The following FOXN3 variants were observed in gnomAD, a reference collection of about 807,000 sequenced individuals.
The protein encoded by FOXN3 is forkhead box protein N3.
FOXN3 carries 7 observed loss-of-function variants against 38.4 expected under a neutral mutation model. The ratio of observed to expected loss-of-function variants is 0.18; its 90% CI spans 0.10 to 0.34. The LOEUF is 0.34. Ranked by LOEUF, FOXN3 falls within the 10% of genes least tolerant of loss-of-function variation. The probability of loss-of-function intolerance (pLI) is 1.00; values close to 1 mark genes in which losing one functional copy is unlikely to be tolerated. For missense variants in FOXN3, 456 were observed against 613.4 expected (o/e 0.74, Z 2.71); for synonymous variants, 230 against 242.2 (o/e 0.95, Z 0.47).
chr14:89,506,613 G>T (rs1316208319), intron 1 of FOXN3, among the ~76,000 whole-genome samples: 2 of 152,084 alleles, frequency 1.3e-5, no homozygotes, highest in Non-Finnish European at 2.9e-5. Context: ...CCACCACCCT[G>T]TCTGGGAGGT....
chr14:89,608,511 G>A (rs569831718), intron 1 of FOXN3, among the ~76,000 whole-genome samples: 174 of 152,328 alleles, frequency 1.1e-3, no homozygotes, highest in Non-Finnish European at 1.9e-3. Context: ...GGTGTACAAT[G>A]TATCTATATC....
In FOXN3 at chr14:89,226,580, T is replaced by C. The variant is rs143120230; in HGVS notation, c.746-45774A>G. 5.2e-3 allele frequency among the ~76,000 whole-genome samples: 798 copies of C among 152,230 alleles called. 6 individuals carry two copies. The highest frequency in any genetic ancestry group is 0.018 in the African/African-American group (753 of 41,538). On this transcript the variant is annotated intron_variant, in intron 4 of 5. Coordinates refer to ENST00000557258, the MANE Select transcript of FOXN3 (RefSeq NM_005197.4). ...TATTTACTCGCTAGAGTAGTATGAC[T>C]AGTGGGAAAATTTCAGATTATTCTT...
intron 1 of FOXN3, among the ~76,000 whole-genome samples, chr14:89,565,454 CAG>C (rs1485245699): frequency 6.6e-6 from 1 of 152,192 alleles, no homozygotes; most frequent in Admixed American, 6.5e-5. Context: ...AGAAAAAACA[CAG>C]ACTCACCCAG....
intron 1 of FOXN3, among the ~76,000 whole-genome samples, chr14:89,492,294 T>C (rs1893593426): frequency 2.6e-5 from 4 of 152,186 alleles, no homozygotes; most frequent in Admixed American, 6.5e-5. Context: ...CCAGGATACA[T>C]GGGGCACACA....
intron 1 of FOXN3, among the ~76,000 whole-genome samples, chr14:89,614,810 G>GAA (rs765112452): frequency 6.6e-6 from 1 of 152,210 alleles, no homozygotes; most frequent in Non-Finnish European, 1.5e-5. Flanking sequence ...AAACAAAAAT[G>GAA]ATGTCTATGA....
chr14:89,195,328 G>T (rs1188537233), intron 4 of FOXN3, among the ~76,000 whole-genome samples: 1 of 152,064 alleles, frequency 6.6e-6, no homozygotes, highest in Non-Finnish European at 1.5e-5. Context: ...TCTACCTTAG[G>T]TGATGTGCTA....
intron 5 of FOXN3, among the ~76,000 whole-genome samples, chr14:89,171,846 T>C (rs1887396963): frequency 6.6e-6 from 1 of 152,138 alleles, no homozygotes; most frequent in Non-Finnish European, 1.5e-5. Flanking sequence ...ATGCCTGTTA[T>C]CATAACTTCT....
chr14:89,200,688 C>T (rs1011835819), intron 4 of FOXN3, among the ~76,000 whole-genome samples: 6 of 152,242 alleles, frequency 3.9e-5, no homozygotes, highest in African/African-American at 9.6e-5. Context: ...GCCTCAGCAG[C>T]GAGGTCTGCG....
chr14:89,483,803 C>T (rs1180213527), intron 1 of FOXN3, among the ~76,000 whole-genome samples: 2 of 152,184 alleles, frequency 1.3e-5, no homozygotes, highest in African/African-American at 4.8e-5. Flanking sequence ...TTTCATTCAA[C>T]AGTATCATAA....
chr14:89,227,391 CT>C (rs566782221), intron 4 of FOXN3, among the ~76,000 whole-genome samples: 64 of 152,298 alleles, frequency 4.2e-4, no homozygotes, highest in Non-Finnish European at 5.9e-5. Flanking sequence ...TCATTTAATT[CT>C]TCATCAATTG....
At position 89,185,926 on chromosome 14, in the gene FOXN3, A is replaced by G. The variant is rs1887794644; in HGVS notation, c.746-5120T>C. ...GATAACGCAATCCTGAGAATCTTAA[A>G]AAGAAAAAAGTCTAAGGTCCAAGAC... On this transcript the variant is annotated intron_variant, in intron 4 of 5. Transcript: ENST00000557258. 1.3e-5 allele frequency: 2 copies of G among 152,342 alleles called. 1 individual carries two copies. The highest frequency in any genetic ancestry group is 4.1e-4 in the South Asian group (2 of 4,838). 9.4% of individuals were successfully genotyped at this position (152,342 alleles called of 1,614,324 possible). A position where few individuals can be genotyped will look rare whatever the true frequency, so the allele number is the denominator to read the frequency against.
At chr14:89,582,995 C>A (rs1392418963) in intron 1 of FOXN3, among the ~76,000 whole-genome samples, 1 of 152,066 alleles carries the variant, frequency 6.6e-6, no homozygotes, top group African/African-American at 2.4e-5. Flanking sequence ...TATAGATATA[C>A]CACCATTTGA....
At chr14:89,378,529 C>A (rs7148124) in intron 2 of FOXN3, among the ~76,000 whole-genome samples, 1 of 152,046 alleles carries the variant, frequency 6.6e-6, no homozygotes, top group Non-Finnish European at 1.5e-5. Context: ...ATATTAAAGT[C>A]ATTTCTCCTT....
At chr14:89,290,584 T>C (rs1007733098) in intron 3 of FOXN3, 22 of 556,586 alleles carry the variant, frequency 4.0e-5, no homozygotes, top group African/African-American at 3.5e-4. Context: ...GTCTCTGAAA[T>C]CACAAGGTCA....
At chr14:89,178,968 C>T (rs1181873273) in intron 5 of FOXN3, among the ~76,000 whole-genome samples, 2 of 152,154 alleles carry the variant, frequency 1.3e-5, no homozygotes, top group African/African-American at 4.8e-5. Context: ...TCTTCTCAAC[C>T]AAGAAGGTAA....
chr14:89,505,362 T>C (rs573166656), intron 1 of FOXN3, among the ~76,000 whole-genome samples: 21 of 141,120 alleles, frequency 1.5e-4, no homozygotes, highest in Non-Finnish European at 2.8e-4. Flanking sequence ...CTCGGCTCAC[T>C]GCAACCTCCC....
intron 3 of FOXN3, among the ~76,000 whole-genome samples, chr14:89,285,665 A>G (rs1349296193): frequency 6.6e-6 from 1 of 152,222 alleles, no homozygotes; most frequent in Non-Finnish European, 1.5e-5. Flanking sequence ...ACAAATTCAC[A>G]GAGACAGAAA....
Position 89,162,491 on chromosome 14 carries a change from T to C in FOXN3, c.1330A>G (p.Ile444Val). ...GTGATGTTATTCAAACAGGACCGGA[T>C]CCCTGCTAAGTGCAGGAGGGACCCT... is the stretch of plus-strand genomic sequence containing the variant. The part of the protein sequence containing the change: ...AAGSLLHLAG[I>V]RSCLNNITNR... Residue 444 changes from isoleucine (I) to valine (V), a missense_variant, in exon 6 of 6, where the codon ATC becomes GTC. This residue lies in a region of FOXN3 where 386 missense variants were observed against 505.2 expected (regional missense o/e 0.76). Coordinates refer to ENST00000557258, the MANE Select transcript of FOXN3 (RefSeq NM_005197.4). This position sits in a 1 kb window ranked among gnomAD's most constrained non-coding sequence, Gnocchi z 7.2. 1 of 1,613,620 alleles carries C rather than the reference T, an allele frequency of 6.2e-7. No homozygotes were observed. The highest frequency in any genetic ancestry group is 1.7e-4 in the Middle Eastern group (1 of 6,052).
At chr14:89,313,993 G>A (rs1280959346) in intron 3 of FOXN3, among the ~76,000 whole-genome samples, 2 of 152,146 alleles carry the variant, frequency 1.3e-5, no homozygotes, top group Admixed American at 6.5e-5. Context: ...GAGGGGGAAA[G>A]GGGGAGTTGG....
Sources: gnomAD v4.1 joint callset for allele counts (sites outside exome capture counted in the v4.1 genomes callset) on GRCh38, gnomAD v4.1.1 for gene constraint, gnomAD v4.1.1 regional missense constraint, Gnocchi (gnomAD v3.1) non-coding constraint, MANE v1.5 for transcripts, NCBI Gene and HGNC (gene_info 2026-07-23, HGNC 2026-07-21) for gene names.